TECTA: variants seen among roughly 807,000 people sequenced by gnomAD.
TECTA encodes the protein alpha-tectorin.
Under a neutral mutation model 216.8 loss-of-function variants are expected in TECTA, and 128 were observed. The ratio of observed to expected loss-of-function variants is 0.59; its 90% confidence interval spans 0.51 to 0.68. The LOEUF (loss-of-function observed/expected upper bound fraction) is 0.68, where lower values mean the gene tolerates loss of function less well. Ranked by LOEUF, TECTA falls within the 30% of genes least tolerant of loss-of-function variation. The pLI, the probability that TECTA is intolerant of heterozygous loss-of-function variation, is 0.00. For missense variants in TECTA, 2,551 were observed against 2,786.2 expected (o/e 0.92, Z 1.90); for synonymous variants, 1,089 against 1,117.1 (o/e 0.97, Z 0.50).
At chr11:121,170,981 A>G (rs940764441) in intron 20 of TECTA, among the ~76,000 whole-genome samples, 6 of 152,058 alleles carry the variant, frequency 3.9e-5, no homozygotes, top group African/African-American at 1.4e-4. Flanking sequence ...GGCTTTTGAA[A>G]TCTTACCCAT....
intron 20 of TECTA, among the ~76,000 whole-genome samples, chr11:121,185,191 T>G (rs183630599): frequency 4.4e-4 from 67 of 152,372 alleles, no homozygotes; most frequent in African/African-American, 1.4e-3. Flanking sequence ...GACTTCTTTA[T>G]GTAGGTGAAT....
At chr11:121,169,164 A>G (rs182939200) in intron 20 of TECTA, among the ~76,000 whole-genome samples, 115 of 152,330 alleles carry the variant, frequency 7.5e-4, no homozygotes, top group African/African-American at 2.6e-3. Flanking sequence ...TAGGTACCCC[A>G]CGTCCATGTG....
At chr11:121,180,749 G>T (rs947697832) in intron 20 of TECTA, among the ~76,000 whole-genome samples, 20 of 148,612 alleles carry the variant, frequency 1.3e-4, no homozygotes, top group African/African-American at 4.7e-4. Context: ...TCCCCAAATT[G>T]GTATATTTGG....
intron 20 of TECTA, among the ~76,000 whole-genome samples, chr11:121,177,160 C>T (rs1289345647): frequency 6.6e-6 from 1 of 152,196 alleles, no homozygotes; most frequent in Non-Finnish European, 1.5e-5. Flanking sequence ...TGTCTGAAGC[C>T]TTCTTCTCTC....
chr11:121,160,258 G>A lies in TECTA; in HGVS notation c.4813G>A (p.Val1605Ile), dbSNP rs201952240. Reference sequence around the variant, plus strand: ...CCAGATATACTACAATGGTTTCAACGTCATTAAAATCAGCATCAGCGAGAG... The same window carrying A: ...CCAGATATACTACAATGGTTTCAACATCATTAAAATCAGCATCAGCGAGAG... ...DIQIYYNGFNVIKISISERLQ... is the reference protein window; with the variant it reads ...DIQIYYNGFNIIKISISERLQ... The change falls in exon 15 of 24, where the codon GTC (valine) becomes ATC (isoleucine). Residue 1605 changes from valine to isoleucine, a missense_variant. This residue lies in a region of TECTA where 2,375 missense variants were observed against 2,563.9 expected (regional missense o/e 0.93). Coordinates refer to ENST00000392793, the MANE Select transcript of TECTA (RefSeq NM_005422.4). 1.4e-4 allele frequency: 220 copies of A among 1,614,152 alleles called. 1 individual carries two copies. Among genetic ancestry groups the A allele is most frequent in the East Asian group, 2.2e-4 (10 of 44,888 alleles).
chr11:121,145,394 C>G (rs1946824562), intron 11 of TECTA, among the ~76,000 whole-genome samples, 161 bp from the exon 12 acceptor site: 1 of 152,212 alleles, frequency 6.6e-6, no homozygotes, highest in African/African-American at 2.4e-5. Flanking sequence ...AAATCTTAAT[C>G]ATAATAGTTG....
In TECTA at chr11:121,127,642, G is replaced by C; in HGVS notation, c.1775-110G>C. On this transcript the variant is annotated intron_variant, in intron 8 of 23. Coordinates refer to ENST00000392793, the MANE Select transcript of TECTA (RefSeq NM_005422.4). This position sits in a 1 kb window ranked among gnomAD's most constrained non-coding sequence, Gnocchi z 5.0. ...TTCTGTCTTCCCCGAGTGGCCGCTT[G>C]ACCCTCACTCTAGGAACTAAATGAT... 1 of 1,312,772 alleles carries C rather than the reference G, an allele frequency of 7.6e-7. No homozygotes were observed. The highest frequency in any genetic ancestry group is 2.3e-5 in the East Asian group (1 of 43,438). 81.3% of individuals were successfully genotyped at this position (1,312,772 alleles called of 1,614,324 possible).
chr11:121,154,425 T>C (rs1166041162), intron 13 of TECTA, among the ~76,000 whole-genome samples: 2 of 152,194 alleles, frequency 1.3e-5, no homozygotes, highest in African/African-American at 4.8e-5. Flanking sequence ...CTTAGAAATG[T>C]TATTTGAAAG....
chr11:121,122,329 A>G (rs1350534832), intron 7 of TECTA, among the ~76,000 whole-genome samples: 2 of 152,160 alleles, frequency 1.3e-5, no homozygotes, highest in East Asian at 1.9e-4. Context: ...ACACAGCTGG[A>G]AGGTGCCATT....
At chr11:121,144,787 A>G (rs1946817892) in intron 11 of TECTA, among the ~76,000 whole-genome samples, 1 of 152,154 alleles carries the variant, frequency 6.6e-6, no homozygotes, top group Non-Finnish European at 1.5e-5. Context: ...AGGTGGGCAT[A>G]AAGATCAATA....
intron 20 of TECTA, among the ~76,000 whole-genome samples, chr11:121,169,907 ATTG>A (rs1947094158): frequency 6.6e-6 from 1 of 152,186 alleles, no homozygotes; most frequent in African/African-American, 2.4e-5. Flanking sequence ...TATACAATAA[ATTG>A]TTGTTAACTA....
At chr11:121,116,914 C>T (rs898796311) in intron 6 of TECTA, among the ~76,000 whole-genome samples, 2 of 152,134 alleles carry the variant, frequency 1.3e-5, no homozygotes, top group African/African-American at 2.4e-5. Context: ...ATGCACATGA[C>T]TTATTGGGAA....
At chr11:121,183,009 G>T (rs1044201215) in intron 20 of TECTA, among the ~76,000 whole-genome samples, 1 of 152,182 alleles carries the variant, frequency 6.6e-6, no homozygotes, top group Non-Finnish European at 1.5e-5. Flanking sequence ...CAGGCAGGTG[G>T]CTCTTGGGTT....
At chr11:121,108,263 A>G (rs964738476) in intron 3 of TECTA, among the ~76,000 whole-genome samples, 6 of 151,794 alleles carry the variant, frequency 4.0e-5, no homozygotes, top group Non-Finnish European at 8.8e-5. Flanking sequence ...CAGCACATAC[A>G]CGCATGCCAC....
chr11:121,159,991 T>C, intron 14 of TECTA, 144 bp from the exon 15 acceptor site: 4 of 864,250 alleles, frequency 4.6e-6, no homozygotes, highest in Non-Finnish European at 7.4e-6. Context: ...ATGCCTGCTG[T>C]CATGCTGCAG....
intron 4 of TECTA, among the ~76,000 whole-genome samples, chr11:121,111,991 C>T (rs1470897124): frequency 6.6e-6 from 1 of 152,178 alleles, no homozygotes; most frequent in Non-Finnish European, 1.5e-5. Flanking sequence ...GATCCTCTAC[C>T]CCAGTTTGAT....
intron 20 of TECTA, among the ~76,000 whole-genome samples, chr11:121,179,958 TTTTGTTTG>T (rs1264701156): frequency 1.3e-5 from 2 of 150,178 alleles, no homozygotes; most frequent in Non-Finnish European, 3.0e-5. Context: ...TTTGAGTTTT[TTTTGTTTG>T]TTTGTTTGTT....
At chr11:121,185,485 G>A (rs1947275613) in intron 20 of TECTA, among the ~76,000 whole-genome samples, 1 of 136,840 alleles carries the variant, frequency 7.3e-6, no homozygotes, top group African/African-American at 3.0e-5. Context: ...GAAAGCAGAT[G>A]TTGAATGCTT....
intron 12 of TECTA, among the ~76,000 whole-genome samples, chr11:121,150,146 G>A (rs1316023593): frequency 6.6e-6 from 1 of 152,144 alleles, no homozygotes; most frequent in East Asian, 1.9e-4. Context: ...GTGAATACTG[G>A]CCCATGAACA....
Sources: gnomAD v4.1 joint callset for allele counts (sites outside exome capture counted in the v4.1 genomes callset) on GRCh38, gnomAD v4.1.1 for gene constraint, gnomAD v4.1.1 regional missense constraint, Gnocchi (gnomAD v3.1) non-coding constraint, MANE v1.5 for transcripts, NCBI Gene and HGNC (gene_info 2026-07-23, HGNC 2026-07-21) for gene names.